DYNC1I1: variants seen among roughly 807,000 people sequenced by gnomAD.
DYNC1I1 encodes cytoplasmic dynein 1 intermediate chain 1.
In DYNC1I1, 43 loss-of-function variants were observed where a neutral mutation model predicts 86.6. That is an observed-to-expected ratio of 0.50 (90% CI 0.39 to 0.64). DYNC1I1 has a LOEUF of 0.64. Among genes scored for constraint, DYNC1I1 ranks in the 30% least tolerant of loss-of-function variants. The pLI, the probability that DYNC1I1 is intolerant of heterozygous loss-of-function variation, is 0.00. For missense variants in DYNC1I1, 604 were observed against 788.8 expected (o/e 0.77, Z 2.81); for synonymous variants, 262 against 283.7 (o/e 0.92, Z 0.77).
intron 5 of DYNC1I1, among the ~76,000 whole-genome samples, chr7:95,849,198 C>A (rs575025581): frequency 6.6e-6 from 1 of 152,108 alleles, no homozygotes; most frequent in South Asian, 2.1e-4. Flanking sequence ...TTGATTGTTT[C>A]TTTTTCTGTT....
intron 6 of DYNC1I1, among the ~76,000 whole-genome samples, chr7:95,976,624 A>C (rs543848965): frequency 3.3e-5 from 5 of 152,288 alleles, no homozygotes; most frequent in African/African-American, 1.2e-4. Context: ...CTCTCTTTGA[A>C]CCAATGAAAT....
rs552762856 is a variant in DYNC1I1 at position 95,942,684 on chromosome 7, G to T, written c.491-34828G>T. 4.3e-3 allele frequency among the ~76,000 whole-genome samples: 644 copies of T among 149,904 alleles called. 8 individuals carry two copies. The highest frequency in any genetic ancestry group is 0.015 in the African/African-American group (622 of 40,704). On this transcript the variant is annotated intron_variant, in intron 6 of 16. Transcript: ENST00000447467. ...AAAAGCTTATCCACCATGATCAAGT[G>T]GGCTTCATCCCTGGGATGCAAGGCT... is the stretch of plus-strand genomic sequence containing the variant.
At chr7:96,048,112 G>A (rs1188948601) in intron 14 of DYNC1I1, among the ~76,000 whole-genome samples, 1 of 152,138 alleles carries the variant, frequency 6.6e-6, no homozygotes, top group Non-Finnish European at 1.5e-5. Flanking sequence ...GGTAGGGAGA[G>A]GAAGGAGGAT....
chr7:95,869,792 T>A lies in DYNC1I1; in HGVS notation c.375-91T>A, dbSNP rs1007896528. ...ACTCAGAAGCTGAGGGTATTTGTGG[T>A]TTGTTTGTTTTAGTGCTTTCTTTTA... On this transcript the variant is annotated intron_variant, in intron 5 of 16. Transcript: ENST00000447467. 2.0e-5 allele frequency: 24 copies of A among 1,212,730 alleles called. No homozygotes were observed. The Admixed American group carries it at 4.4e-4, about 22-fold the overall frequency. The allele number at this position is 1,212,730 out of a possible 1,614,324, so 75.1% of individuals were successfully genotyped here. A position where few individuals can be genotyped will look rare whatever the true frequency, so the allele number is the denominator to read the frequency against.
At chr7:95,968,822 CTCTGTG>C (rs771820462) in intron 6 of DYNC1I1, among the ~76,000 whole-genome samples, 28,503 of 133,454 alleles carry the variant, frequency 0.21, 3,083 homozygotes, top group Middle Eastern at 0.31. Flanking sequence ...GAATTTTTTG[CTCTGTG>C]TGTGTGTGTG....
At chr7:95,894,932 T>A (rs972778875) in intron 6 of DYNC1I1, among the ~76,000 whole-genome samples, 1 of 152,184 alleles carries the variant, frequency 6.6e-6, no homozygotes, top group South Asian at 2.1e-4. Context: ...CAATGAGTGG[T>A]CAGGCATTGT....
rs148221128 is a variant in DYNC1I1 at position 96,000,493 on chromosome 7, G to T, written c.969+4420G>T. Among the ~76,000 whole-genome samples, 500 of 152,278 alleles carry T rather than the reference G, an allele frequency of 3.3e-3. 10 individuals carry two copies. Among genetic ancestry groups the T allele is most frequent in the Admixed American group, 0.025 (387 of 15,304 alleles). On this transcript the variant is annotated intron_variant, in intron 10 of 16. Transcript: ENST00000447467. ...TTACATGGATCAGACCAGAGAAATA[G>T]TGCCACAACATTGCTACTTTGTGCC... is the stretch of plus-strand genomic sequence containing the variant.
intron 14 of DYNC1I1, among the ~76,000 whole-genome samples, chr7:96,059,290 G>A (rs945324858): frequency 6.6e-6 from 1 of 151,722 alleles, no homozygotes; most frequent in African/African-American, 2.4e-5. Context: ...ACTATGCTTG[G>A]GGCCATTCCA....
chr7:95,837,841 C>A (rs139226449), intron 5 of DYNC1I1, among the ~76,000 whole-genome samples: 1 of 126,744 alleles, frequency 7.9e-6, no homozygotes, highest in Admixed American at 8.0e-5. Context: ...GCATGGTGCG[C>A]GCACCCACTG....
intron 5 of DYNC1I1, among the ~76,000 whole-genome samples, chr7:95,864,235 G>A (rs143214875): frequency 3.3e-5 from 5 of 152,270 alleles, no homozygotes; most frequent in South Asian, 2.1e-4. Flanking sequence ...AAGGGGAATG[G>A]GGACAGTGAT....
chr7:96,062,276 G>A (rs1789804917), intron 14 of DYNC1I1, among the ~76,000 whole-genome samples: 1 of 152,192 alleles, frequency 6.6e-6, no homozygotes, highest in African/African-American at 2.4e-5. Flanking sequence ...CAGCAGAGCT[G>A]TATTTTAAAT....
intron 6 of DYNC1I1, among the ~76,000 whole-genome samples, chr7:95,911,032 T>A (rs1398621307): frequency 6.6e-6 from 1 of 152,154 alleles, no homozygotes; most frequent in Non-Finnish European, 1.5e-5. Flanking sequence ...TTTGAGGGTG[T>A]CACATTTTTA....
chr7:96,031,044 G>C (rs568730512), intron 11 of DYNC1I1, among the ~76,000 whole-genome samples: 7 of 152,112 alleles, frequency 4.6e-5, no homozygotes, highest in African/African-American at 1.7e-4. Flanking sequence ...CCATCAGCAC[G>C]GGGGAAAGAG....
At chr7:95,973,617 C>T (rs1376840573) in intron 6 of DYNC1I1, among the ~76,000 whole-genome samples, 1 of 152,168 alleles carries the variant, frequency 6.6e-6, no homozygotes. Flanking sequence ...TCCTCACATG[C>T]TTCTATGCAT....
At chr7:95,835,603 G>T (rs1174907512) in intron 5 of DYNC1I1, among the ~76,000 whole-genome samples, 6 of 151,972 alleles carry the variant, frequency 3.9e-5, no homozygotes, top group African/African-American at 1.5e-4. Flanking sequence ...ATGTGTGGGA[G>T]TCTAAGTCTC....
At chr7:95,792,943 A>T (rs1012218354) in intron 1 of DYNC1I1, among the ~76,000 whole-genome samples, 20 of 152,094 alleles carry the variant, frequency 1.3e-4, no homozygotes, top group African/African-American at 4.3e-4. Flanking sequence ...GAGTGGAAGG[A>T]TATATGGATG....
In DYNC1I1 at chr7:95,848,100, C is replaced by T. The variant is rs1322248536; in HGVS notation, c.374+19984C>T. On this transcript the variant is annotated intron_variant, in intron 5 of 16. Transcript: ENST00000447467. ...GCTAATTAGCATATGCATTACCTCA[C>T]ATAGTTATCATAGTTATGGTGAGAA... Among the ~76,000 whole-genome samples the T allele has an allele frequency of 2.6e-5, 4 of 152,042 alleles. No individual in the cohort carries two copies. In the East Asian group the frequency reaches 7.7e-4, roughly 29 times the overall value.
chr7:95,846,179 G>A (rs1002985002), intron 5 of DYNC1I1, among the ~76,000 whole-genome samples: 3 of 151,926 alleles, frequency 2.0e-5, no homozygotes, highest in African/African-American at 7.3e-5. Context: ...ATATATTATT[G>A]GAGAAAACAC....
At chr7:96,071,308 A>G (rs1024405507) in intron 14 of DYNC1I1, among the ~76,000 whole-genome samples, 4 of 151,740 alleles carry the variant, frequency 2.6e-5, no homozygotes, top group African/African-American at 9.6e-5. Context: ...TCCTTACCAC[A>G]GGGTAACAAA....
Sources: gnomAD v4.1 joint callset for allele counts (sites outside exome capture counted in the v4.1 genomes callset) on GRCh38, gnomAD v4.1.1 for gene constraint, MANE v1.5 for transcripts, NCBI Gene and HGNC (gene_info 2026-07-23, HGNC 2026-07-21) for gene names.